The following RAB27B variants were observed in gnomAD, a reference collection of about 807,000 sequenced individuals.
RAB27B encodes ras-related protein Rab-27B.
A neutral mutation model predicts 24.6 loss-of-function variants in RAB27B; 15 were observed. That is an observed-to-expected ratio of 0.61 (90% CI 0.41 to 0.94). The LOEUF is 0.94. Ranked by LOEUF, RAB27B falls within the 40% of genes least tolerant of loss-of-function variation. The pLI, the probability that RAB27B is intolerant of heterozygous loss-of-function variation, is 0.00. For synonymous variants in RAB27B, 105 were observed against 92.5 expected, an observed-to-expected ratio of 1.14 and a Z score of -0.78; for missense variants, 261 against 266.8, an observed-to-expected ratio of 0.98 and a Z score of 0.15.
At chr18:54,813,273 C>A (rs1247552387) in intron 2 of RAB27B, among the ~76,000 whole-genome samples, 1 of 152,158 alleles carries the variant, frequency 6.6e-6, no homozygotes, top group Non-Finnish European at 1.5e-5. Context: ...GTCTGCTGTG[C>A]CATGTACTAG....
At chr18:54,836,067 C>G (rs913407787) in intron 1 of RAB27B, among the ~76,000 whole-genome samples, 2 of 151,920 alleles carry the variant, frequency 1.3e-5, no homozygotes, top group African/African-American at 4.9e-5. Context: ...ACAGAACATA[C>G]TGATCACTAG....
Position 54,778,694 on chromosome 18 carries a change from C to T in RAB27B, c.-20+60553C>T, listed in dbSNP as rs564155461. On this transcript the variant is annotated intron_variant, in intron 2 of 4. Transcript: ENST00000586570. ...TTCTGCTTTAACCCAGTTTTCTGCC[C>T]TCATTTCCTTCCTTTCCATTCTTCT... is the stretch of plus-strand genomic sequence containing the variant. Among the ~76,000 whole-genome samples the T allele has an allele frequency of 7.9e-5, 12 of 152,200 alleles. No homozygotes were observed. In the East Asian group the frequency reaches 2.1e-3, roughly 27 times the overall value.
intron 2 of RAB27B, among the ~76,000 whole-genome samples, chr18:54,789,016 A>C (rs979324234): frequency 1.2e-4 from 18 of 152,086 alleles, no homozygotes; most frequent in African/African-American, 3.9e-4. Flanking sequence ...TAACTGTGAC[A>C]TTTTTTTCCT....
intron 2 of RAB27B, among the ~76,000 whole-genome samples, chr18:54,778,844 C>CT (rs112981715): frequency 0.048 from 6,857 of 143,218 alleles, 531 homozygotes; most frequent in African/African-American, 0.16. Flanking sequence ...CAGTTAAGTC[C>CT]TTTTTTTTTT....
chr18:54,833,234 C>CTTTTTTTT (rs559070445), intron 1 of RAB27B, among the ~76,000 whole-genome samples: 93 of 129,458 alleles, frequency 7.2e-4, no homozygotes, highest in Non-Finnish European at 1.1e-3. Flanking sequence ...TTCTTTCTTT[C>CTTTTTTTT]TTTTTTTTTT....
intron 1 of RAB27B, among the ~76,000 whole-genome samples, chr18:54,851,787 TG>T (rs1911600096): frequency 6.6e-6 from 1 of 152,178 alleles, no homozygotes; most frequent in Non-Finnish European, 1.5e-5. Flanking sequence ...GGATCATTCT[TG>T]GGCAACAGTA....
At chr18:54,844,197 C>A (rs1911227962) in intron 1 of RAB27B, among the ~76,000 whole-genome samples, 1 of 152,050 alleles carries the variant, frequency 6.6e-6, no homozygotes, top group Non-Finnish European at 1.5e-5. Flanking sequence ...ATCACCCTGA[C>A]AAATGATTAT....
intron 2 of RAB27B, among the ~76,000 whole-genome samples, chr18:54,739,339 C>T (rs1225903804): frequency 6.6e-6 from 1 of 151,548 alleles, no homozygotes; most frequent in Non-Finnish European, 1.5e-5. Flanking sequence ...GCCTGTAATC[C>T]CATCTACTTG....
intron 1 of RAB27B, among the ~76,000 whole-genome samples, chr18:54,839,037 A>G (rs548484170): frequency 5.3e-4 from 81 of 152,282 alleles, no homozygotes; most frequent in African/African-American, 1.9e-3. Context: ...AAGGATACAA[A>G]TATTGCTGGA....
In RAB27B at chr18:54,892,528, T is replaced by C. The variant is rs754674398; in HGVS notation, c.*3115T>C. ...TGTGATTAGGTACAAGCTTACCTTT[T>C]AGGGTAGAAAAAGAAAGATCATTTG... is the stretch of plus-strand genomic sequence containing the variant. On this transcript the variant is annotated 3_prime_UTR_variant, in exon 6 of 6. Transcript: ENST00000262094. 3 of 152,050 alleles carry C rather than the reference T, an allele frequency of 2.0e-5. No homozygotes were observed. 9.4% of individuals were successfully genotyped at this position (152,050 alleles called of 1,614,324 possible). A position where few individuals can be genotyped will look rare whatever the true frequency, so the allele number is the denominator to read the frequency against.
chr18:54,779,063 C>G (rs1490077231), intron 2 of RAB27B, among the ~76,000 whole-genome samples: 1 of 152,132 alleles, frequency 6.6e-6, no homozygotes, highest in African/African-American at 2.4e-5. Context: ...TGGTCTCAAT[C>G]TCTTGAACTC....
intron 1 of RAB27B, among the ~76,000 whole-genome samples, chr18:54,874,537 C>T (rs1912612745): frequency 6.7e-6 from 1 of 148,474 alleles, no homozygotes; most frequent in South Asian, 2.1e-4. Context: ...TTGAGACTGT[C>T]ACGCATTCAT....
intron 2 of RAB27B, among the ~76,000 whole-genome samples, chr18:54,790,619 T>C (rs1164943470): frequency 1.7e-5 from 1 of 58,750 alleles, no homozygotes; most frequent in Non-Finnish European, 3.5e-5. Flanking sequence ...ACAAAAATAT[T>C]TTTTTTCTTG....
chr18:54,839,149 C>T (rs1244883786), intron 1 of RAB27B, among the ~76,000 whole-genome samples: 2 of 152,018 alleles, frequency 1.3e-5, no homozygotes, highest in African/African-American at 4.8e-5. Context: ...TGATGTTAAA[C>T]CCTTGACTAA....
rs1909331979 is a variant in RAB27B at position 54,720,700 on chromosome 18, A to G, written c.-20+2559A>G. ...AAATATATCTCCTAGTAGAAACCAC[A>G]GAAAAATGCAATAAGTCATCCAGGG... On this transcript the variant is annotated intron_variant, in intron 2 of 4. Transcript: ENST00000586570. Among the ~76,000 whole-genome samples the G allele has an allele frequency of 1.3e-5, 2 of 152,124 alleles. 1 individual carries two copies.
intron 2 of RAB27B, among the ~76,000 whole-genome samples, chr18:54,754,813 A>T (rs1306959881): frequency 6.6e-6 from 1 of 152,102 alleles, no homozygotes; most frequent in Non-Finnish European, 1.5e-5. Context: ...CTGTTGTTGG[A>T]GTTTATCCTT....
intron 2 of RAB27B, among the ~76,000 whole-genome samples, chr18:54,741,786 A>C (rs1910080723): frequency 6.6e-6 from 1 of 152,104 alleles, no homozygotes; most frequent in South Asian, 2.1e-4. Flanking sequence ...ACAGGGGTGA[A>C]CCACTGTACC....
At chr18:54,728,903 C>CCAA (rs1909634328) in intron 2 of RAB27B, among the ~76,000 whole-genome samples, 74 of 68,286 alleles carry the variant, frequency 1.1e-3, no homozygotes, top group East Asian at 3.4e-3. Context: ...AAAAAAAACC[C>CCAA]AAAAAAAAAA....
chr18:54,819,987 T>C (rs144260555), intron 2 of RAB27B, among the ~76,000 whole-genome samples: 45 of 152,316 alleles, frequency 3.0e-4, no homozygotes, highest in African/African-American at 1.1e-3. Flanking sequence ...CCACGGTGTA[T>C]ATGTGCCACA....
Sources: gnomAD v4.1 joint callset for allele counts (sites outside exome capture counted in the v4.1 genomes callset) on GRCh38, gnomAD v4.1.1 for gene constraint, MANE v1.5 for transcripts, NCBI Gene and HGNC (gene_info 2026-07-23, HGNC 2026-07-21) for gene names.